APBB2: variants seen among roughly 807,000 people sequenced by gnomAD.
The protein encoded by APBB2 is amyloid beta precursor protein binding family B member 2.
APBB2 carries 38 observed loss-of-function variants against 82.5 expected under a neutral mutation model. That is an observed-to-expected ratio of 0.46 (90% confidence interval 0.36 to 0.60). APBB2 has a LOEUF of 0.60. Ranked by LOEUF, APBB2 falls within the 20% of genes least tolerant of loss-of-function variation. The pLI, the probability that APBB2 is intolerant of heterozygous loss-of-function variation, is 0.00. For missense variants in APBB2, 772 were observed against 972.3 expected (o/e 0.79, Z 2.74); for synonymous variants, 341 against 368.2 (o/e 0.93, Z 0.85).
rs189080101 is a variant in APBB2 at position 41,056,560 on chromosome 4, C to T, written c.-51+9016G>A. Among the ~76,000 whole-genome samples, 76 of 152,304 alleles carry T rather than the reference C, an allele frequency of 5.0e-4. 1 individual carries two copies. Among genetic ancestry groups the T allele is most frequent in the Admixed American group, 9.8e-4 (15 of 15,304 alleles). The stretch of plus-strand genomic sequence containing the variant: ...AAACTGATTCTAAATGACACAGTTA[C>T]CACCTTTGGTCACATCCACAGATGA... On this transcript the variant is annotated intron_variant, in intron 4 of 17. Transcript: ENST00000508593.
At chr4:40,965,886 A>C (rs1578811177) in intron 6 of APBB2, among the ~76,000 whole-genome samples, 1 of 152,214 alleles carries the variant, frequency 6.6e-6, no homozygotes, top group Non-Finnish European at 1.5e-5. Context: ...TAAATATTAA[A>C]ATTCTAGGTA....
intron 12 of APBB2, among the ~76,000 whole-genome samples, chr4:40,834,112 C>T (rs1753009379): frequency 2.0e-5 from 3 of 150,208 alleles, no homozygotes; most frequent in Non-Finnish European, 4.4e-5. Context: ...GGAATTCTCA[C>T]TTTTTTTTTT....
chr4:40,869,815 G>C (rs1764980543), intron 12 of APBB2, among the ~76,000 whole-genome samples: 1 of 151,922 alleles, frequency 6.6e-6, no homozygotes, highest in Admixed American at 6.6e-5. Context: ...TTATTACCTA[G>C]GAAGGCTTGT....
At chr4:41,119,359 G>C (rs1752101104) in intron 2 of APBB2, among the ~76,000 whole-genome samples, 1 of 151,800 alleles carries the variant, frequency 6.6e-6, no homozygotes, top group Non-Finnish European at 1.5e-5. Flanking sequence ...TTAATCTCAT[G>C]CATTTATATT....
chr4:41,171,519 C>T (rs1768242861), intron 1 of APBB2, among the ~76,000 whole-genome samples: 2 of 152,278 alleles, frequency 1.3e-5, no homozygotes, highest in Middle Eastern at 3.4e-3. Flanking sequence ...GGGCCAAGAA[C>T]CAAACTTATG....
At chr4:40,819,879 C>T (rs1204654294) in intron 17 of APBB2, among the ~76,000 whole-genome samples, 2 of 152,162 alleles carry the variant, frequency 1.3e-5, no homozygotes, top group African/African-American at 2.4e-5. Context: ...GTGGTGCCAT[C>T]GTAGCTCACT....
rs528829771 is a variant in APBB2 at position 41,198,885 on chromosome 4, TTCTGTGTG to T, written c.-417+15512_-417+15519del. On this transcript the variant is annotated intron_variant, in intron 1 of 17. Transcript: ENST00000508593. ...CTGCCTCCATCTTCGCATGTCTTCC[TTCTGTGTG>T]TCTGTGTGTCTGTCTTTATACGACA... Among the ~76,000 whole-genome samples the T allele has an allele frequency of 7.9e-5, 12 of 152,322 alleles. No individual in the cohort carries two copies. The East Asian group carries it at 1.2e-3, about 15-fold the overall frequency.
At chr4:41,181,454 C>T (rs1771323919) in intron 1 of APBB2, among the ~76,000 whole-genome samples, 1 of 152,144 alleles carries the variant, frequency 6.6e-6, no homozygotes, top group Admixed American at 6.5e-5. Context: ...TAAATTATCC[C>T]AAGAGCTAAT....
At position 40,964,980 on chromosome 4, in the gene APBB2, C is replaced by T. The variant is rs545225084; in HGVS notation, c.836-19907G>A. Among the ~76,000 whole-genome samples the T allele has an allele frequency of 5.9e-5, 9 of 151,992 alleles. No individual in the cohort carries two copies. In the South Asian group the frequency reaches 1.5e-3, roughly 25 times the overall value. On this transcript the variant is annotated intron_variant, in intron 6 of 17. Coordinates refer to ENST00000508593, the MANE Select transcript of APBB2 (RefSeq NM_004307.2). ...CTAAAAATATAAAAAATTAGCTGGG[C>T]GTGGTGGCACGTGCCTGTAGTCCCA...
intron 8 of APBB2, 33 bp from the exon 9 acceptor site, chr4:40,934,732 TG>T (rs1434611963): frequency 6.7e-7 from 1 of 1,484,912 alleles, no homozygotes; most frequent in Admixed American, 1.7e-5. Flanking sequence ...TAATGTACAA[TG>T]GGGGAGAAGA....
chr4:40,844,220 C>T (rs1444222542), intron 12 of APBB2, among the ~76,000 whole-genome samples: 1 of 152,148 alleles, frequency 6.6e-6, no homozygotes, highest in Non-Finnish European at 1.5e-5. Context: ...CTTTATTTAC[C>T]CAACATAGAT....
In APBB2 at chr4:41,074,605, A is replaced by ATT. The variant is rs1457334793; in HGVS notation, c.-148-8934_-148-8933dup. Among the ~76,000 whole-genome samples the ATT allele has an allele frequency of 6.1e-3, 654 of 107,312 alleles. 7 individuals carry two copies. Among genetic ancestry groups the ATT allele is most frequent in the Middle Eastern group, 0.015 (3 of 202 alleles). The allele number at this position is 107,312 out of a possible 152,430, so 70.4% of individuals were successfully genotyped here. A position where few individuals can be genotyped will look rare whatever the true frequency, so the allele number is the denominator to read the frequency against. On this transcript the variant is annotated intron_variant, in intron 3 of 17. Transcript: ENST00000508593. ...CCATATGAAGGCAAATATTATTATT[A>ATT]TTATTTTTTTTTTTTTTTTTTTGAG...
chr4:40,996,100 A>G (rs1803567629), intron 6 of APBB2, among the ~76,000 whole-genome samples: 1 of 152,240 alleles, frequency 6.6e-6, no homozygotes, highest in Admixed American at 6.5e-5. Flanking sequence ...TGAGTGCTCA[A>G]GCATGCTTGT....
chr4:40,870,819 G>A (rs565687543), intron 12 of APBB2, among the ~76,000 whole-genome samples: 4 of 141,656 alleles, frequency 2.8e-5, no homozygotes, highest in South Asian at 2.2e-4. Flanking sequence ...TGCAAACTCC[G>A]CCTCCCAGGT....
intron 6 of APBB2, among the ~76,000 whole-genome samples, chr4:40,953,265 C>T (rs568228118): frequency 3.4e-4 from 48 of 139,568 alleles, no homozygotes; most frequent in African/African-American, 1.3e-3. Flanking sequence ...CACTGCACTC[C>T]AGCCTGGGCA....
intron 12 of APBB2, among the ~76,000 whole-genome samples, chr4:40,858,015 C>A (rs1362401365): frequency 6.6e-6 from 1 of 152,134 alleles, no homozygotes; most frequent in Non-Finnish European, 1.5e-5. Flanking sequence ...CCCCTACACC[C>A]TTTTGTAATC....
intron 3 of APBB2, among the ~76,000 whole-genome samples, chr4:41,084,082 G>T (rs1237141024): frequency 1.3e-5 from 2 of 152,124 alleles, no homozygotes; most frequent in Non-Finnish European, 2.9e-5. Context: ...ATCATTAATA[G>T]TGACTAGATA....
At chr4:41,001,250 T>C (rs1354951981) in intron 6 of APBB2, among the ~76,000 whole-genome samples, 1 of 152,192 alleles carries the variant, frequency 6.6e-6, no homozygotes, top group Admixed American at 6.5e-5. Context: ...GTTCTATTAA[T>C]AACACTCTTC....
At chr4:41,197,085 C>A in intron 1 of APBB2, among the ~76,000 whole-genome samples, 1 of 152,338 alleles carries the variant, frequency 6.6e-6, no homozygotes, top group Non-Finnish European at 1.5e-5. Context: ...GATTTAACAA[C>A]AAAATCATGT....
Sources: allele counts gnomAD v4.1 joint callset (sites outside exome capture counted in the v4.1 genomes callset), GRCh38; gene constraint gnomAD v4.1.1; transcripts MANE v1.5; gene names NCBI Gene and HGNC (gene_info 2026-07-23, HGNC 2026-07-21).